ERBB4: variants seen among roughly 807,000 people sequenced by gnomAD.
The protein encoded by ERBB4 is receptor tyrosine-protein kinase erbB-4.
Under a neutral mutation model 158.0 loss-of-function variants are expected in ERBB4, and 42 were observed. The ratio of observed to expected loss-of-function variants is 0.27; its 90% CI spans 0.21 to 0.34. The LOEUF (loss-of-function observed/expected upper bound fraction) is 0.34. Among genes scored for constraint, ERBB4 ranks in the 10% least tolerant of loss-of-function variants. ERBB4 has a pLI of 1.00. For missense variants in ERBB4, 1,333 were observed against 1,624.1 expected, an observed-to-expected ratio of 0.82 and a Z score of 3.08; for synonymous variants, 583 against 558.7, an observed-to-expected ratio of 1.04 and a Z score of -0.61.
chr2:211,492,714 A>T (rs1158610442), intron 20 of ERBB4, among the ~76,000 whole-genome samples: 1 of 152,132 alleles, frequency 6.6e-6, no homozygotes, highest in Non-Finnish European at 1.5e-5. Context: ...TCACACTGTC[A>T]AACTATATCT....
At chr2:211,752,229 G>A (rs572609267) in intron 4 of ERBB4, among the ~76,000 whole-genome samples, 18 of 152,048 alleles carry the variant, frequency 1.2e-4, no homozygotes, top group South Asian at 1.0e-3. Flanking sequence ...TTATACTAGC[G>A]GAAATTAGAA....
intron 5 of ERBB4, among the ~76,000 whole-genome samples, chr2:211,732,369 A>G (rs1173459903): frequency 6.6e-6 from 1 of 152,066 alleles, no homozygotes. Context: ...TTGAAAAAAA[A>G]AATTAGACCT....
chr2:212,381,467 C>A (rs2090501846), intron 1 of ERBB4, among the ~76,000 whole-genome samples: 1 of 151,318 alleles, frequency 6.6e-6, no homozygotes, highest in Admixed American at 6.6e-5. Flanking sequence ...GACACTATTA[C>A]ATGTATATGT....
chr2:211,507,092 C>G (rs896904374), intron 20 of ERBB4, among the ~76,000 whole-genome samples: 6 of 152,050 alleles, frequency 3.9e-5, no homozygotes, highest in African/African-American at 1.4e-4. Context: ...TCTATGCACA[C>G]AAACTAGAAA....
chr2:211,424,586 T>C (rs906014424), intron 22 of ERBB4, among the ~76,000 whole-genome samples: 21 of 152,108 alleles, frequency 1.4e-4, no homozygotes, highest in Non-Finnish European at 1.3e-4. Context: ...TTTCTGCCTA[T>C]AGGTAACACT....
At chr2:211,461,855 T>C (rs1475388665) in intron 20 of ERBB4, among the ~76,000 whole-genome samples, 1 of 151,984 alleles carries the variant, frequency 6.6e-6, no homozygotes, top group Admixed American at 6.6e-5. Flanking sequence ...GCCAACCATT[T>C]TAACAGTGTG....
At chr2:212,350,211 A>G (rs199919258) in intron 1 of ERBB4, among the ~76,000 whole-genome samples, 2 of 152,124 alleles carry the variant, frequency 1.3e-5, no homozygotes, top group East Asian at 3.9e-4. Context: ...ATTATGTGTG[A>G]TATATTCTTT....
chr2:211,657,453 G>A (rs2071259171), intron 16 of ERBB4: 3 of 366,246 alleles, frequency 8.2e-6, no homozygotes, highest in Admixed American at 3.8e-5. Context: ...AGGTTGCAGT[G>A]AGCCAAGATC....
chr2:211,927,083 A>G (rs560352100), intron 3 of ERBB4, among the ~76,000 whole-genome samples: 1 of 152,322 alleles, frequency 6.6e-6, no homozygotes, highest in Admixed American at 6.5e-5. Context: ...TAAATGGGGT[A>G]CAAAATTTTA....
chr2:211,772,968 AAG>A (rs2075755409), intron 4 of ERBB4, among the ~76,000 whole-genome samples: 1 of 73,714 alleles, frequency 1.4e-5, no homozygotes, highest in Non-Finnish European at 3.1e-5. Context: ...TTTTTTTTTA[AAG>A]ATGGGGTCCT....
intron 1 of ERBB4, among the ~76,000 whole-genome samples, chr2:212,415,257 G>C (rs1681853826): frequency 6.6e-6 from 1 of 152,150 alleles, no homozygotes; most frequent in South Asian, 2.1e-4. Context: ...CTTTGTGAAT[G>C]CCTGTTTTAC....
intron 1 of ERBB4, among the ~76,000 whole-genome samples, chr2:212,352,160 C>T (rs1350174189): frequency 6.6e-6 from 1 of 151,746 alleles, no homozygotes; most frequent in East Asian, 1.9e-4. Flanking sequence ...ACACTGGGGC[C>T]TCCTTGAAAA....
At chr2:212,410,261 T>A (rs1268136961) in intron 1 of ERBB4, among the ~76,000 whole-genome samples, 2 of 113,150 alleles carry the variant, frequency 1.8e-5, no homozygotes, top group Non-Finnish European at 4.0e-5. Context: ...TTTGTGTTAG[T>A]GTGAGTTAGA....
intron 20 of ERBB4, among the ~76,000 whole-genome samples, chr2:211,441,625 A>T (rs1450677001): frequency 6.6e-6 from 1 of 152,128 alleles, no homozygotes; most frequent in Non-Finnish European, 1.5e-5. Flanking sequence ...TCCTGTGGAA[A>T]TGCTGATATC....
At chr2:211,743,337 C>T (rs2074855074) in intron 5 of ERBB4, among the ~76,000 whole-genome samples, 1 of 152,010 alleles carries the variant, frequency 6.6e-6, no homozygotes, top group Admixed American at 6.6e-5. Flanking sequence ...CCTTTTTCCC[C>T]CTCCTCACTC....
At chr2:212,468,361 C>T (rs1383244327) in intron 1 of ERBB4, among the ~76,000 whole-genome samples, 2 of 152,102 alleles carry the variant, frequency 1.3e-5, no homozygotes, top group African/African-American at 4.8e-5. Flanking sequence ...AATTCCCATG[C>T]ACTGTGGGAG....
intron 1 of ERBB4, among the ~76,000 whole-genome samples, chr2:212,169,039 G>A (rs1019806293): frequency 2.6e-5 from 4 of 152,098 alleles, no homozygotes; most frequent in African/African-American, 7.2e-5. Context: ...TGGTAAAGAC[G>A]TGAGGAATAA....
chr2:211,696,955 C>T lies in ERBB4; in HGVS notation c.1489+5012G>A, dbSNP rs2073047081. Among the ~76,000 whole-genome samples the T allele has an allele frequency of 2.6e-5, 4 of 152,326 alleles. No individual in the cohort carries two copies. In the South Asian group the frequency reaches 8.3e-4, roughly 32 times the overall value. On this transcript the variant is annotated intron_variant, in intron 12 of 27. Coordinates refer to ENST00000342788, the MANE Select transcript of ERBB4 (RefSeq NM_005235.3). ...AAAGTGCTGGGATTACAGGCGTGAGCCACCATGCCCGGCCAATATTTTCTT... is the reference window on the plus strand; with the variant it reads ...AAAGTGCTGGGATTACAGGCGTGAGTCACCATGCCCGGCCAATATTTTCTT...
chr2:211,942,333 TA>T (rs1301119355), intron 3 of ERBB4, among the ~76,000 whole-genome samples: 3 of 134,928 alleles, frequency 2.2e-5, no homozygotes, highest in African/African-American at 9.0e-5. Context: ...TGAAGCATTT[TA>T]TTTATTTATT....
Sources: allele counts gnomAD v4.1 joint callset (sites outside exome capture counted in the v4.1 genomes callset), GRCh38; gene constraint gnomAD v4.1.1; transcripts MANE v1.5; gene names NCBI Gene and HGNC (gene_info 2026-07-23, HGNC 2026-07-21).